CAMSAP1: variants seen among roughly 807,000 people sequenced by gnomAD.
The protein encoded by CAMSAP1 is calmodulin regulated spectrin associated protein 1, also known as calmodulin-regulated spectrin-associated protein 1.
A neutral mutation model predicts 143.5 loss-of-function variants in CAMSAP1; 58 were observed. The ratio of observed to expected loss-of-function variants is 0.40; its 90% CI spans 0.33 to 0.50. The LOEUF (loss-of-function observed/expected upper bound fraction) is 0.50, where lower values mean the gene tolerates loss of function less well. CAMSAP1 is among the 20% of genes least tolerant of loss of function. The probability of loss-of-function intolerance (pLI) is 0.45; values close to 1 mark genes in which losing one functional copy is unlikely to be tolerated. For missense variants in CAMSAP1, 1,969 were observed against 2,115.7 expected (o/e 0.93, Z 1.36); for synonymous variants, 945 against 859.3 (o/e 1.10, Z -1.74).
At chr9:135,879,051 G>A (rs963057080) in intron 3 of CAMSAP1, among the ~76,000 whole-genome samples, 2 of 152,190 alleles carry the variant, frequency 1.3e-5, no homozygotes, top group African/African-American at 4.8e-5. Context: ...GTCTGACTGT[G>A]AACGTGTCCA....
rs1834993927 is a variant in CAMSAP1 at position 135,810,151 on chromosome 9, TCAA to T, written c.*1155_*1157del. On this transcript the variant is annotated 3_prime_UTR_variant, in exon 17 of 17. Coordinates refer to ENST00000389532, the MANE Select transcript of CAMSAP1 (RefSeq NM_015447.4). ...GGAATGTCCGCGCTCCACAGAAGCATCAACACCATTGGGACCAAGGCAGAAAGA... is the reference window on the plus strand; with the variant it reads ...GGAATGTCCGCGCTCCACAGAAGCATCACCATTGGGACCAAGGCAGAAAGA... The T allele has an allele frequency of 6.6e-6, 1 of 152,528 alleles. No individual in the cohort carries two copies. Among genetic ancestry groups the T allele is most frequent in the South Asian group, 2.1e-4 (1 of 4,834 alleles). 9.4% of individuals were successfully genotyped at this position (152,528 alleles called of 1,614,324 possible). A position where few individuals can be genotyped will look rare whatever the true frequency, so the allele number is the denominator to read the frequency against.
At chr9:135,876,032 T>G (rs1020941453) in intron 3 of CAMSAP1, among the ~76,000 whole-genome samples, 15 of 152,218 alleles carry the variant, frequency 9.9e-5, no homozygotes, top group African/African-American at 3.6e-4. Context: ...CTCAGCTCAC[T>G]GCAACCTCCA....
chr9:135,895,178 G>C (rs572897873), intron 1 of CAMSAP1, among the ~76,000 whole-genome samples: 1 of 152,304 alleles, frequency 6.6e-6, no homozygotes, highest in Admixed American at 6.5e-5. Flanking sequence ...AACAGCAACA[G>C]AAAGAGAGAA....
chr9:135,849,273 G>C (rs753674589), intron 7 of CAMSAP1, among the ~76,000 whole-genome samples: 2 of 152,196 alleles, frequency 1.3e-5, no homozygotes, highest in Non-Finnish European at 2.9e-5. Context: ...GTAATTTACT[G>C]AATGCTGTAC....
intron 7 of CAMSAP1, among the ~76,000 whole-genome samples, chr9:135,847,021 C>A (rs1836579613): frequency 6.6e-6 from 1 of 152,072 alleles, no homozygotes; most frequent in Non-Finnish European, 1.5e-5. Context: ...CCAGCAATCC[C>A]ATTACTGGGT....
intron 7 of CAMSAP1, among the ~76,000 whole-genome samples, chr9:135,833,911 G>A (rs1835932126): frequency 6.6e-6 from 1 of 152,178 alleles, no homozygotes. Context: ...AAACTATATG[G>A]CTGATAAGAG....
At position 135,822,411 on chromosome 9, in the gene CAMSAP1, G is replaced by T; in HGVS notation, c.2250C>A (p.His750Gln). 6.2e-7 allele frequency: 1 copy of T among 1,613,988 alleles called. No homozygotes were observed. Among genetic ancestry groups the T allele is most frequent in the Non-Finnish European group, 8.5e-7 (1 of 1,179,902 alleles). Residue 750 changes from histidine to glutamine, a missense_variant, in exon 11 of 17, where the codon CAC becomes CAA. Physicochemically the swap from His to Gln is conservative, Grantham distance 24. This residue lies in a region of CAMSAP1 where 1,390 missense variants were observed against 1,420.8 expected (regional missense o/e 0.98). Transcript: ENST00000389532. The surrounding 1 kb of genome is among the most constrained non-coding windows in gnomAD (Gnocchi z 6.1). ...SDVVDIEEAE[H>Q]DFMGEAHPVV... Reference sequence around the variant, plus strand: ...CAGGATGGGCCTCACCCATGAAATCGTGCTCGGCTTCCTCTATGTCCACCA... The same window carrying T: ...CAGGATGGGCCTCACCCATGAAATCTTGCTCGGCTTCCTCTATGTCCACCA...
Position 135,818,305 on chromosome 9 carries a change from C to G in CAMSAP1, c.4168+103G>C. On this transcript the variant is annotated intron_variant, in intron 13 of 16. Coordinates refer to ENST00000389532, the MANE Select transcript of CAMSAP1 (RefSeq NM_015447.4). The surrounding 1 kb of genome is among the most constrained non-coding windows in gnomAD (Gnocchi z 7.7). ...CGGGGATAATCATCTCCACCCTTCC[C>G]GCCTCACACCACTCTTGATGACAAA... The G allele has an allele frequency of 1.5e-6, 2 of 1,293,314 alleles. No homozygotes were observed. Among genetic ancestry groups the G allele is most frequent in the Non-Finnish European group, 2.1e-6 (2 of 949,308 alleles). 80.1% of individuals were successfully genotyped at this position (1,293,314 alleles called of 1,614,324 possible).
intron 14 of CAMSAP1, chr9:135,817,776 C>G (rs1835285818): frequency 1.8e-6 from 1 of 563,088 alleles, no homozygotes; most frequent in South Asian, 2.0e-5. Flanking sequence ...AAGGTGAAGG[C>G]TGCCACGTTT....
Position 135,827,575 on chromosome 9 carries a change from A to C in CAMSAP1, c.1055T>G (p.Val352Gly), listed in dbSNP as rs747627149. The stretch of plus-strand genomic sequence containing the variant: ...AGGCCGGCTGCTCTTCTGGTGTAAC[A>C]CTGTTTTCGCTGCAGAAATAGCGTT... ...DVQELKDAKT[V>G]LHQKSSRPPV... is the part of the protein sequence containing the mutation. The change falls in exon 8 of 17, where the codon GTG becomes GGG. Residue 352 changes from valine to glycine, a missense_variant. Physicochemically the swap from Val to Gly is moderately radical, Grantham distance 109 (BLOSUM62 -3). Around this residue, in one of 4 missense-constraint regions of CAMSAP1, gnomAD observed 221 missense variants for 298.2 expected, o/e 0.74. Coordinates refer to ENST00000389532, the MANE Select transcript of CAMSAP1 (RefSeq NM_015447.4). 2 of 1,575,272 alleles carry C rather than the reference A, an allele frequency of 1.3e-6. No homozygotes were observed. The highest frequency in any genetic ancestry group is 1.7e-6 in the Non-Finnish European group (2 of 1,154,026).
In CAMSAP1 at chr9:135,899,275, C is replaced by T. The variant is rs147297610; in HGVS notation, c.160+7725G>A. On this transcript the variant is annotated intron_variant, in intron 1 of 16. Transcript: ENST00000389532. ...GCTTTACCAGATGTAAATCACACCTCGATAAAAGTGGTTCTCTCAAAGGTC... is the reference window on the plus strand; with the variant it reads ...GCTTTACCAGATGTAAATCACACCTTGATAAAAGTGGTTCTCTCAAAGGTC... Among the ~76,000 whole-genome samples the T allele has an allele frequency of 6.9e-3, 1,048 of 151,964 alleles. 6 individuals carry two copies. The highest frequency in any genetic ancestry group is 0.016 in the South Asian group (78 of 4,812).
At chr9:135,854,972 C>G (rs1836902317) in intron 5 of CAMSAP1, among the ~76,000 whole-genome samples, 1 of 151,950 alleles carries the variant, frequency 6.6e-6, no homozygotes, top group African/African-American at 2.4e-5. Context: ...TCTTTGTGTT[C>G]TTAAGTTCTT....
At chr9:135,894,200 T>A (rs1838376977) in intron 1 of CAMSAP1, among the ~76,000 whole-genome samples, 1 of 151,974 alleles carries the variant, frequency 6.6e-6, no homozygotes. Flanking sequence ...TCCTTCCCCA[T>A]CAGGCGGACC....
intron 7 of CAMSAP1, among the ~76,000 whole-genome samples, chr9:135,834,020 AAAG>A (rs1480452552): frequency 6.6e-6 from 1 of 152,220 alleles, no homozygotes; most frequent in East Asian, 1.9e-4. Context: ...ATTTTTTTCC[AAAG>A]AAGACATACA....
chr9:135,840,762 C>T lies in CAMSAP1; in HGVS notation c.1045+9375G>A, dbSNP rs950399489. Among the ~76,000 whole-genome samples the T allele has an allele frequency of 2.6e-5, 4 of 152,278 alleles. No homozygotes were observed. The East Asian group carries it at 5.8e-4, about 22-fold the overall frequency. On this transcript the variant is annotated intron_variant, in intron 7 of 16. Transcript: ENST00000389532. Reference sequence around the variant, plus strand: ...ACCTCACCCAGGAAGCACAATGGGTCGGGGAACTCCCTCTTCCAGCCAAGG... The same window carrying T: ...ACCTCACCCAGGAAGCACAATGGGTTGGGGAACTCCCTCTTCCAGCCAAGG...
chr9:135,817,534 G>A (rs548567737), intron 14 of CAMSAP1, among the ~76,000 whole-genome samples: 3 of 152,044 alleles, frequency 2.0e-5, no homozygotes, highest in African/African-American at 7.2e-5. Flanking sequence ...TGGGACTATA[G>A]GTGCATGCCC....
chr9:135,818,652 C>T lies in CAMSAP1; in HGVS notation c.3960-36G>A. 6.2e-7 allele frequency: 1 copy of T among 1,601,412 alleles called. No individual in the cohort carries two copies. Reference sequence around the variant, plus strand: ...CACACGCCCAGACACTGCTCGGTCACGGGGCTTCTTCCACGACGCCTGCGC... The same window carrying T: ...CACACGCCCAGACACTGCTCGGTCATGGGGCTTCTTCCACGACGCCTGCGC... On this transcript the variant is annotated intron_variant, in intron 12 of 16. Coordinates refer to ENST00000389532, the MANE Select transcript of CAMSAP1 (RefSeq NM_015447.4). This position sits in a 1 kb window ranked among gnomAD's most constrained non-coding sequence, Gnocchi z 7.7.
At chr9:135,868,915 C>T (rs759830399) in intron 3 of CAMSAP1, among the ~76,000 whole-genome samples, 11 of 151,930 alleles carry the variant, frequency 7.2e-5, no homozygotes, top group Non-Finnish European at 1.3e-4. Flanking sequence ...CACGCCCAGC[C>T]AAGATTGGCA....
intron 5 of CAMSAP1, among the ~76,000 whole-genome samples, chr9:135,859,222 G>C (rs980375119): frequency 6.6e-6 from 1 of 152,174 alleles, no homozygotes; most frequent in South Asian, 2.1e-4. Flanking sequence ...TTTTATAAAG[G>C]CTCCCATGTT....
Sources: allele counts gnomAD v4.1 joint callset (sites outside exome capture counted in the v4.1 genomes callset), GRCh38; gene constraint gnomAD v4.1.1; regional missense constraint gnomAD v4.1.1; non-coding constraint Gnocchi (gnomAD v3.1); transcripts MANE v1.5; gene names NCBI Gene and HGNC (gene_info 2026-07-23, HGNC 2026-07-21).